MPRIP: variants seen among roughly 807,000 people sequenced by gnomAD.
MPRIP encodes myosin phosphatase Rho interacting protein, also known as myosin phosphatase Rho-interacting protein.
A neutral mutation model predicts 234.9 loss-of-function variants in MPRIP; 59 were observed. The ratio of observed to expected loss-of-function variants is 0.25; its 90% CI spans 0.20 to 0.31. The LOEUF (loss-of-function observed/expected upper bound fraction) is 0.31, where lower values mean the gene tolerates loss of function less well. MPRIP is among the 10% of genes least tolerant of loss of function. MPRIP has a pLI of 1.00. For synonymous variants in MPRIP, 1,144 were observed against 1,263.9 expected (o/e 0.91, Z 2.01); for missense variants, 2,436 against 3,071.0 (o/e 0.79, Z 4.89).
intron 1 of MPRIP, among the ~76,000 whole-genome samples, chr17:17,062,462 G>C (rs572946526): frequency 6.6e-6 from 1 of 152,334 alleles, no homozygotes; most frequent in South Asian, 2.1e-4. Flanking sequence ...CCTTACATGT[G>C]TTATAAACAG....
intron 4 of MPRIP, among the ~76,000 whole-genome samples, chr17:17,131,400 C>G (rs1019006091): frequency 1.3e-5 from 2 of 152,220 alleles, no homozygotes; most frequent in Admixed American, 1.3e-4. Flanking sequence ...GGCCAGGCCT[C>G]TCTGCCAGCA....
At chr17:17,052,404 G>C (rs994746186) in intron 1 of MPRIP, among the ~76,000 whole-genome samples, 18 of 152,112 alleles carry the variant, frequency 1.2e-4, no homozygotes, top group African/African-American at 4.3e-4. Flanking sequence ...ACCTGCTGGG[G>C]CTGTCTGCAC....
intron 9 of MPRIP, among the ~76,000 whole-genome samples, chr17:17,144,249 C>A (rs757131700): frequency 5.9e-5 from 9 of 152,234 alleles, no homozygotes; most frequent in Non-Finnish European, 1.2e-4. Context: ...CCTCTTGTCT[C>A]CTCCTTGCTG....
intron 1 of MPRIP, among the ~76,000 whole-genome samples, chr17:17,074,841 G>A (rs528056253): frequency 9.2e-5 from 14 of 152,270 alleles, no homozygotes; most frequent in African/African-American, 2.6e-4. Flanking sequence ...GCTGAATAAT[G>A]TTCCCTTGTG....
chr17:17,140,176 G>A (rs976116488), intron 7 of MPRIP, among the ~76,000 whole-genome samples: 12 of 152,194 alleles, frequency 7.9e-5, no homozygotes, highest in African/African-American at 2.4e-4. Context: ...GCTGTGTGTC[G>A]TGGTGGCTCC....
chr17:17,112,832 G>A (rs2090200474), intron 3 of MPRIP, among the ~76,000 whole-genome samples: 1 of 152,208 alleles, frequency 6.6e-6, no homozygotes, highest in Non-Finnish European at 1.5e-5. Context: ...CCTGTACTGC[G>A]TTCCATCCCC....
At chr17:17,062,678 G>A (rs2088902571) in intron 1 of MPRIP, among the ~76,000 whole-genome samples, 1 of 152,258 alleles carries the variant, frequency 6.6e-6, no homozygotes, top group Admixed American at 6.5e-5. Context: ...GTGCCCTGGA[G>A]GGCATCTTGA....
chr17:17,099,271 C>T (rs1196524811), intron 3 of MPRIP, among the ~76,000 whole-genome samples: 1 of 152,174 alleles, frequency 6.6e-6, no homozygotes, highest in Non-Finnish European at 1.5e-5. Flanking sequence ...AGTCCTGCAG[C>T]CTTGTAGGGT....
At chr17:17,105,370 C>CACATATCTTTCT (rs879344912) in intron 3 of MPRIP, among the ~76,000 whole-genome samples, 37 of 152,206 alleles carry the variant, frequency 2.4e-4, no homozygotes, top group Non-Finnish European at 5.0e-4. Context: ...ATTGTGGGGT[C>CACATATCTTTCT]ACATATCTTT....
chr17:17,172,250 A>G (rs1356517625), intron 17 of MPRIP, among the ~76,000 whole-genome samples: 1 of 152,244 alleles, frequency 6.6e-6, no homozygotes, highest in African/African-American at 2.4e-5. Context: ...GCGTGAAGAT[A>G]TGTAGCTTCA....
At chr17:17,131,525 G>A in intron 4 of MPRIP, 92 bp from the exon 5 acceptor site, 1 of 1,043,602 alleles carries the variant, frequency 9.6e-7, no homozygotes, top group Non-Finnish European at 1.5e-6. Flanking sequence ...ACAATGCCCT[G>A]CTCTACTCCT....
chr17:17,118,221 A>G (rs998997874), intron 3 of MPRIP, among the ~76,000 whole-genome samples: 8 of 152,286 alleles, frequency 5.3e-5, no homozygotes, highest in African/African-American at 1.9e-4. Context: ...TCTGCAGCCA[A>G]ACTACTTCTA....
At chr17:17,145,579 T>G (rs527346109) in intron 9 of MPRIP, among the ~76,000 whole-genome samples, 2 of 152,360 alleles carry the variant, frequency 1.3e-5, no homozygotes, top group African/African-American at 4.8e-5. Context: ...CAGCTGCTGC[T>G]TCCTCAACAC....
intron 8 of MPRIP, 25 bp downstream of exon 8, chr17:17,142,790 C>T (rs1303135797): frequency 6.2e-7 from 1 of 1,608,838 alleles, no homozygotes; most frequent in South Asian, 1.1e-5. Context: ...CTGGGCAGCA[C>T]CTCAGGGGTG....
chr17:17,055,523 C>A (rs1286070709), intron 1 of MPRIP, among the ~76,000 whole-genome samples: 1 of 152,150 alleles, frequency 6.6e-6, no homozygotes. Flanking sequence ...CACCCTACCC[C>A]CAGCCTTTAC....
At chr17:17,162,963 A>AT (rs1345096112) in intron 15 of MPRIP, among the ~76,000 whole-genome samples, 1 of 152,246 alleles carries the variant, frequency 6.6e-6, no homozygotes, top group Non-Finnish European at 1.5e-5. Flanking sequence ...TCTAACTTGC[A>AT]TAATTGCATG....
At chr17:17,160,738 A>G (rs1473456528) in intron 14 of MPRIP, among the ~76,000 whole-genome samples, 11 of 152,216 alleles carry the variant, frequency 7.2e-5, no homozygotes, top group Admixed American at 7.2e-4. Context: ...TGGGCCCTGG[A>G]GTGAGGCCTG....
chr17:17,189,719 G>A lies in MPRIP; in HGVS notation c.*4825G>A, dbSNP rs1361906149. ...AAAGTCCTGGCTAGGGGAGCCATAGGTCTGTTGTACAAGGAATTTGCTTTC... is the reference window on the plus strand; with the variant it reads ...AAAGTCCTGGCTAGGGGAGCCATAGATCTGTTGTACAAGGAATTTGCTTTC... On this transcript the variant is annotated 3_prime_UTR_variant, in exon 24 of 24. Coordinates refer to ENST00000651222, the MANE Select transcript of MPRIP (RefSeq NM_001364716.4). 6.6e-6 allele frequency: 1 copy of A among 152,188 alleles called. No homozygotes were observed. The highest frequency in any genetic ancestry group is 1.5e-5 in the Non-Finnish European group (1 of 68,042). 9.4% of individuals were successfully genotyped at this position (152,188 alleles called of 1,614,324 possible). A position where few individuals can be genotyped will look rare whatever the true frequency, so the allele number is the denominator to read the frequency against.
In MPRIP at chr17:17,166,095, G is replaced by T. The variant is rs560323745; in HGVS notation, c.4504G>T (p.Ala1502Ser). The change falls in exon 16 of 24, where the codon GCA becomes TCA. Residue 1502 changes from alanine to serine, a missense_variant. Physicochemically the swap from Ala to Ser is moderately conservative, Grantham distance 99. This residue lies in a region of MPRIP where 1,998 missense variants were observed against 2,520.3 expected (regional missense o/e 0.79). Transcript: ENST00000651222. This position sits in a 1 kb window ranked among gnomAD's most constrained non-coding sequence, Gnocchi z 4.4. ...CCAGGAGGATGAGCAGGACGCACGC[G>T]CAGCCTCCCTGGCCAGTGTGGAGAG... Reference protein sequence around the residue: ...ASQEDEQDARAASLASVESAL... With the variant: ...ASQEDEQDARSASLASVESAL... 6.2e-6 allele frequency: 8 copies of T among 1,298,616 alleles called. No homozygotes were observed. The highest frequency in any genetic ancestry group is 6.1e-6 in the Non-Finnish European group (6 of 985,196). The allele number at this position is 1,298,616 out of a possible 1,614,324, so 80.4% of individuals were successfully genotyped here.
Sources: allele counts gnomAD v4.1 joint callset (sites outside exome capture counted in the v4.1 genomes callset), GRCh38; gene constraint gnomAD v4.1.1; regional missense constraint gnomAD v4.1.1; non-coding constraint Gnocchi (gnomAD v3.1); transcripts MANE v1.5; gene names NCBI Gene and HGNC (gene_info 2026-07-23, HGNC 2026-07-21).